The following CSMD1 variants were observed in gnomAD, a reference collection of about 807,000 sequenced individuals.
The protein encoded by CSMD1 is CUB and sushi domain-containing protein 1.
Under a neutral mutation model 417.5 loss-of-function variants are expected in CSMD1, and 213 were observed. The ratio of observed to expected loss-of-function variants is 0.51; its 90% CI spans 0.46 to 0.57. The LOEUF (loss-of-function observed/expected upper bound fraction) is 0.57, where lower values mean the gene tolerates loss of function less well. Among genes scored for constraint, CSMD1 ranks in the 20% least tolerant of loss-of-function variants. The probability of loss-of-function intolerance (pLI) is 0.00; values close to 1 mark genes in which losing one functional copy is unlikely to be tolerated. For missense variants in CSMD1, 6,923 were observed against 4,529.7 expected, an observed-to-expected ratio of 1.53 and a Z score of -15.17; for synonymous variants, 2,862 against 1,736.8, an observed-to-expected ratio of 1.65 and a Z score of -16.11.
At chr8:4,163,956 A>C (rs1008050818) in intron 3 of CSMD1, among the ~76,000 whole-genome samples, 9 of 152,178 alleles carry the variant, frequency 5.9e-5, no homozygotes, top group Non-Finnish European at 1.5e-5. Context: ...AGGCTTCTCA[A>C]ATTAATTTTA....
rs951240973 is a variant in CSMD1 at position 3,425,439 on chromosome 8, T to C, written c.1562-15834A>G. Among the ~76,000 whole-genome samples, 4 of 151,496 alleles carry C rather than the reference T, an allele frequency of 2.6e-5. No individual in the cohort carries two copies. The Middle Eastern group carries it at 9.5e-3, about 360-fold the overall frequency. On this transcript the variant is annotated intron_variant, in intron 12 of 69. Coordinates refer to ENST00000635120, the MANE Select transcript of CSMD1 (RefSeq NM_033225.6). ...CCTGTCTCTACTAAAAATACAAAAATTAGCTGGGCGTGGTGGCACCTGCCT... is the reference window on the plus strand; with the variant it reads ...CCTGTCTCTACTAAAAATACAAAAACTAGCTGGGCGTGGTGGCACCTGCCT...
intron 25 of CSMD1, among the ~76,000 whole-genome samples, chr8:3,290,158 A>T (rs1803443050): frequency 6.8e-6 from 1 of 146,620 alleles, no homozygotes; most frequent in South Asian, 2.1e-4. Context: ...ATTATTTCTG[A>T]GGGCTCTGTT....
At chr8:3,942,566 G>C (rs11784290) in intron 5 of CSMD1, among the ~76,000 whole-genome samples, 7,583 of 152,252 alleles carry the variant, frequency 0.05, 246 homozygotes, top group Middle Eastern at 0.11. Flanking sequence ...GCTCAGTTCA[G>C]CTTCACAGAG....
chr8:3,888,176 T>C (rs547100324), intron 5 of CSMD1, among the ~76,000 whole-genome samples: 3 of 152,174 alleles, frequency 2.0e-5, no homozygotes, highest in African/African-American at 7.2e-5. Flanking sequence ...CCCATAAAAA[T>C]TATAACATAC....
chr8:3,523,894 CAT>C lies in CSMD1; in HGVS notation c.1345-30170_1345-30169del, dbSNP rs370165491. On this transcript the variant is annotated intron_variant, in intron 10 of 69. Coordinates refer to ENST00000635120, the MANE Select transcript of CSMD1 (RefSeq NM_033225.6). ...ACACATGCACACACATGCACAGAGA[CAT>C]ATGCACACATGTACACGCACACACA... 1.5e-3 allele frequency among the ~76,000 whole-genome samples: 213 copies of C among 145,482 alleles called. 3 individuals carry two copies. Among genetic ancestry groups the C allele is most frequent in the African/African-American group, 5.5e-3 (201 of 36,504 alleles).
intron 22 of CSMD1, among the ~76,000 whole-genome samples, chr8:3,347,286 G>C (rs1392928368): frequency 6.6e-6 from 1 of 152,182 alleles, no homozygotes; most frequent in East Asian, 1.9e-4. Context: ...GGCCATGGAA[G>C]GTTCCCAATT....
intron 12 of CSMD1, among the ~76,000 whole-genome samples, chr8:3,423,340 CT>C (rs1396498423): frequency 1.3e-5 from 2 of 152,158 alleles, no homozygotes; most frequent in Non-Finnish European, 2.9e-5. Flanking sequence ...TTTTTTCTCC[CT>C]TTCCCTTGCT....
chr8:4,523,681 C>A (rs993603755), intron 2 of CSMD1, among the ~76,000 whole-genome samples: 1 of 152,096 alleles, frequency 6.6e-6, no homozygotes, highest in Non-Finnish European at 1.5e-5. Flanking sequence ...TACTAAAGGT[C>A]TGCTTATGAA....
intron 5 of CSMD1, among the ~76,000 whole-genome samples, chr8:3,869,211 C>A (rs768842059): frequency 1.2e-4 from 18 of 152,140 alleles, no homozygotes; most frequent in Admixed American, 1.2e-3. Flanking sequence ...CCCTCCACCT[C>A]GGTGTTTCTC....
chr8:4,719,674 C>CAT (rs1808924349), intron 1 of CSMD1, among the ~76,000 whole-genome samples: 3 of 152,258 alleles, frequency 2.0e-5, no homozygotes, highest in African/African-American at 7.2e-5. Context: ...TTTGTACTTC[C>CAT]AGATGAAAGT....
chr8:3,299,272 G>A lies in CSMD1; in HGVS notation c.3950+8423C>T, dbSNP rs2406460. ...TTCGAGACCAGCCTGGCCAATATGG[G>A]GAAACCCTGTCTCTACTAAAAATAT... On this transcript the variant is annotated intron_variant, in intron 25 of 69. Coordinates refer to ENST00000635120, the MANE Select transcript of CSMD1 (RefSeq NM_033225.6). Among the ~76,000 whole-genome samples the A allele has an allele frequency of 1.6e-4, 24 of 151,894 alleles. 1 individual carries two copies. In the South Asian group the frequency reaches 5.0e-3, roughly 32 times the overall value.
intron 3 of CSMD1, among the ~76,000 whole-genome samples, chr8:4,283,558 G>A (rs115470522): frequency 6.6e-5 from 10 of 152,202 alleles, no homozygotes; most frequent in East Asian, 1.9e-4. Context: ...TATATATGTC[G>A]TATAGTTAAA....
intron 23 of CSMD1, among the ~76,000 whole-genome samples, chr8:3,325,251 C>G (rs544212118): frequency 6.6e-6 from 1 of 152,212 alleles, no homozygotes; most frequent in Non-Finnish European, 1.5e-5. Flanking sequence ...AAATGCAATG[C>G]ATCCATGACT....
rs1007378791 is a variant in CSMD1 at position 3,136,335 on chromosome 8, C to T, written c.6241+6130G>A. Among the ~76,000 whole-genome samples the T allele has an allele frequency of 3.3e-5, 5 of 150,590 alleles. No individual in the cohort carries two copies. In the East Asian group the frequency reaches 9.8e-4, roughly 30 times the overall value. Reference sequence around the variant, plus strand: ...GCAATGGCATGATCTCGGCTCACTACAAACCCCGGTCTCTGGTCTCCCAGG... The same window carrying T: ...GCAATGGCATGATCTCGGCTCACTATAAACCCCGGTCTCTGGTCTCCCAGG... On this transcript the variant is annotated intron_variant, in intron 41 of 69. Transcript: ENST00000635120.
At chr8:3,567,145 A>C (rs1039994283) in intron 10 of CSMD1, among the ~76,000 whole-genome samples, 1 of 152,210 alleles carries the variant, frequency 6.6e-6, no homozygotes, top group Non-Finnish European at 1.5e-5. Context: ...TGAAGCCAGT[A>C]TCCTTAGCAA....
intron 3 of CSMD1, among the ~76,000 whole-genome samples, chr8:4,216,406 A>T (rs1800670647): frequency 6.6e-6 from 1 of 152,214 alleles, no homozygotes; most frequent in Non-Finnish European, 1.5e-5. Context: ...TATTGTGTGC[A>T]TGGTAAAATT....
intron 3 of CSMD1, among the ~76,000 whole-genome samples, chr8:4,190,049 G>C (rs1434745505): frequency 6.6e-6 from 1 of 151,748 alleles, no homozygotes; most frequent in African/African-American, 2.4e-5. Flanking sequence ...ACGAGGTCAG[G>C]AGATCGAGAC....
chr8:3,601,260 G>C (rs1036345266), intron 8 of CSMD1, among the ~76,000 whole-genome samples: 1 of 152,200 alleles, frequency 6.6e-6, no homozygotes, highest in South Asian at 2.1e-4. Context: ...TGGAGGCCAA[G>C]ATTTGGTAGG....
At chr8:4,938,179 A>G in intron 1 of CSMD1, among the ~76,000 whole-genome samples, 1 of 152,196 alleles carries the variant, frequency 6.6e-6, no homozygotes, top group Non-Finnish European at 1.5e-5. Flanking sequence ...AAATATAGAA[A>G]TAGTCAGAAC....
Sources: allele counts gnomAD v4.1 joint callset (sites outside exome capture counted in the v4.1 genomes callset), GRCh38; gene constraint gnomAD v4.1.1; transcripts MANE v1.5; gene names NCBI Gene and HGNC (gene_info 2026-07-23, HGNC 2026-07-21).